Variants in SGSM1 observed in about 807,000 individuals in gnomAD.
SGSM1 encodes RUN and TBC1 domain containing 2.
A neutral mutation model predicts 133.8 loss-of-function variants in SGSM1; 73 were observed. The observed-to-expected ratio is 0.55, with a 90% confidence interval of 0.45 to 0.66. The LOEUF (loss-of-function observed/expected upper bound fraction) is 0.66. Among genes scored for constraint, SGSM1 ranks in the 30% least tolerant of loss-of-function variants. The pLI is 0.00. For missense variants in SGSM1, 1,213 were observed against 1,448.1 expected, an observed-to-expected ratio of 0.84 and a Z score of 2.64; for synonymous variants, 563 against 573.0, an observed-to-expected ratio of 0.98 and a Z score of 0.25.
At chr22:24,810,983 C>T (rs1927700288) in intron 2 of SGSM1, among the ~76,000 whole-genome samples, 1 of 152,172 alleles carries the variant, frequency 6.6e-6, no homozygotes, top group Non-Finnish European at 1.5e-5. Context: ...TGTCTCCCGT[C>T]CCTAGGTTTG....
chr22:24,917,866 G>A (rs866875659), intron 23 of SGSM1, 112 bp downstream of exon 23: 6 of 767,182 alleles, frequency 7.8e-6, no homozygotes, highest in Non-Finnish European at 1.3e-5. Flanking sequence ...CAGCAGAGGA[G>A]AGAAGCACAT....
At chr22:24,855,160 C>G (rs1930692691) in intron 6 of SGSM1, 97 bp downstream of exon 6, 1 of 1,549,580 alleles carries the variant, frequency 6.5e-7, no homozygotes, top group Admixed American at 1.9e-5. Flanking sequence ...CAGCCTTGCC[C>G]ATGGAAATGC....
At chr22:24,884,687 G>A (rs961307217) in intron 15 of SGSM1, among the ~76,000 whole-genome samples, 11 of 152,188 alleles carry the variant, frequency 7.2e-5, no homozygotes, top group Non-Finnish European at 1.2e-4. Context: ...TAGATGAGGG[G>A]GAAGAGGCCC....
chr22:24,861,351 C>CAAA (rs139707), intron 9 of SGSM1, among the ~76,000 whole-genome samples: 6 of 75,862 alleles, frequency 7.9e-5, no homozygotes, highest in Non-Finnish European at 1.1e-4. Context: ...GACTCTGTCT[C>CAAA]AAAAAAAAAA....
Position 24,869,432 on chromosome 22 carries a change from A to T in SGSM1, c.1291+577A>T, listed in dbSNP as rs1215214674. On this transcript the variant is annotated intron_variant, in intron 12 of 24. Coordinates refer to ENST00000400358, the MANE Select transcript of SGSM1 (RefSeq NM_001098497.3). The stretch of plus-strand genomic sequence containing the variant: ...CTATTTGGGAGGCTGAGGTGGGAGG[A>T]TCACCTGAGCCTGGGGAGGTCGAGG... Among the ~76,000 whole-genome samples the T allele has an allele frequency of 2.0e-5, 3 of 152,124 alleles. No individual in the cohort carries two copies. In the East Asian group the frequency reaches 5.8e-4, roughly 29 times the overall value.
intron 5 of SGSM1, among the ~76,000 whole-genome samples, chr22:24,852,573 A>C (rs560370050): frequency 1.5e-3 from 235 of 152,286 alleles, no homozygotes; most frequent in African/African-American, 5.5e-3. Context: ...CCTCCCAAGT[A>C]GCTGGTTTTA....
intron 2 of SGSM1, among the ~76,000 whole-genome samples, chr22:24,833,741 G>A (rs1339734565): frequency 6.6e-6 from 1 of 152,178 alleles, no homozygotes; most frequent in Non-Finnish European, 1.5e-5. Context: ...GTGACATTTT[G>A]CATGATGAGA....
At chr22:24,843,590 C>T (rs1997889) in intron 2 of SGSM1, 22,564 of 152,226 alleles carry the variant, frequency 0.15, 1,766 homozygotes, top group South Asian at 0.25. Flanking sequence ...GGATTGTTTT[C>T]CAACCTCCTC....
At chr22:24,923,725 C>T (rs1414325408) in intron 24 of SGSM1, among the ~76,000 whole-genome samples, 3 of 152,118 alleles carry the variant, frequency 2.0e-5, no homozygotes, top group Admixed American at 1.3e-4. Flanking sequence ...TGGGTTCAAG[C>T]GATTCTTCTG....
chr22:24,841,048 C>G (rs1016994937), intron 2 of SGSM1, among the ~76,000 whole-genome samples: 1 of 152,036 alleles, frequency 6.6e-6, no homozygotes, highest in African/African-American at 2.4e-5. Flanking sequence ...GACGGGGTTT[C>G]ACCGTGTTAG....
chr22:24,882,689 AACC>A (rs1932397756), intron 14 of SGSM1, among the ~76,000 whole-genome samples: 7 of 152,142 alleles, frequency 4.6e-5, no homozygotes, highest in Non-Finnish European at 8.8e-5. Flanking sequence ...ACCCTCTGGT[AACC>A]ACTAGTCCAC....
intron 23 of SGSM1, among the ~76,000 whole-genome samples, chr22:24,918,518 T>C (rs942915426): frequency 6.7e-6 from 1 of 149,298 alleles, no homozygotes; most frequent in Non-Finnish European, 1.5e-5. Context: ...AAATCTGACA[T>C]GTATGGAGTG....
At chr22:24,879,595 A>G (rs1425045600) in intron 14 of SGSM1, 69 bp downstream of exon 14, 5 of 1,430,116 alleles carry the variant, frequency 3.5e-6, no homozygotes, top group South Asian at 2.5e-5. Flanking sequence ...TATGCCAGCA[A>G]TATCAAAAGA....
At chr22:24,896,604 G>T (rs1438576171) in intron 18 of SGSM1, among the ~76,000 whole-genome samples, 3 of 149,038 alleles carry the variant, frequency 2.0e-5, no homozygotes, top group African/African-American at 7.4e-5. Context: ...AAGTAATAGG[G>T]TTTTTTTATT....
chr22:24,886,324 C>A (rs1052016992), intron 15 of SGSM1, among the ~76,000 whole-genome samples: 8 of 151,662 alleles, frequency 5.3e-5, no homozygotes, highest in Admixed American at 2.0e-4. Context: ...TCACTTGAAA[C>A]TGGGAGGCGG....
chr22:24,859,439 C>G (rs1330839909), intron 8 of SGSM1, among the ~76,000 whole-genome samples: 1 of 152,092 alleles, frequency 6.6e-6, no homozygotes, highest in African/African-American at 2.4e-5. Context: ...GTCAGGGACC[C>G]TGGAGCTCAG....
chr22:24,828,875 C>A (rs987314761), intron 2 of SGSM1, among the ~76,000 whole-genome samples: 2 of 152,034 alleles, frequency 1.3e-5, no homozygotes, highest in African/African-American at 4.8e-5. Context: ...ACGTATGCAC[C>A]ATAGAATATT....
At position 24,924,318 on chromosome 22, in the gene SGSM1, C is replaced by G. The variant is rs367825752; in HGVS notation, c.*44C>G. 6.2e-5 allele frequency: 97 copies of G among 1,555,054 alleles called. No homozygotes were observed. In the African/African-American group the frequency reaches 1.1e-3, roughly 17 times the overall value. The stretch of plus-strand genomic sequence containing the variant: ...AGCCTCAGCCAAGCTGCCCCTGCCC[C>G]GCTCCTCTGCTTACTTTTCCTCCTG... On this transcript the variant is annotated 3_prime_UTR_variant, in exon 25 of 25. Transcript: ENST00000400358.
intron 9 of SGSM1, among the ~76,000 whole-genome samples, chr22:24,860,915 AAAAAAAAATAT>A (rs1469259038): frequency 3.5e-4 from 38 of 109,478 alleles, no homozygotes; most frequent in East Asian, 2.6e-3. Context: ...AAAAAAAAAA[AAAAAAAAATAT>A]ATATATATAT....
Sources: gnomAD v4.1 joint callset for allele counts (sites outside exome capture counted in the v4.1 genomes callset) on GRCh38, gnomAD v4.1.1 for gene constraint, MANE v1.5 for transcripts, NCBI Gene and HGNC (gene_info 2026-07-23, HGNC 2026-07-21) for gene names.